The following ZNF804A variants were observed in gnomAD, a reference collection of about 807,000 sequenced individuals.
ZNF804A encodes zinc finger protein 804A.
In ZNF804A, 2 loss-of-function variants were observed where a neutral mutation model predicts 16.5. The ratio of observed to expected loss-of-function variants is 0.12; its 90% CI spans 0.05 to 0.38. ZNF804A has a LOEUF of 0.38. Ranked by LOEUF, ZNF804A falls within the 10% of genes least tolerant of loss-of-function variation. The pLI is 0.99. For missense variants in ZNF804A, 1,473 were observed against 1,390.7 expected (o/e 1.06, Z -0.94); for synonymous variants, 534 against 489.6 (o/e 1.09, Z -1.20).
chr2:184,926,558 G>A (rs1685616065), intron 2 of ZNF804A, among the ~76,000 whole-genome samples: 1 of 151,736 alleles, frequency 6.6e-6, no homozygotes. Flanking sequence ...TTAGGTTTGG[G>A]GAGTTCACTT....
intron 1 of ZNF804A, among the ~76,000 whole-genome samples, chr2:184,757,677 A>G (rs1160291477): frequency 2.0e-5 from 3 of 151,986 alleles, no homozygotes; most frequent in Middle Eastern, 3.2e-3. Flanking sequence ...ATTCACCTTA[A>G]AAAACACTGG....
intron 1 of ZNF804A, among the ~76,000 whole-genome samples, chr2:184,705,585 C>T (rs1420674491): frequency 6.6e-6 from 1 of 152,112 alleles, no homozygotes; most frequent in South Asian, 2.1e-4. Context: ...TAGGAGATGA[C>T]AGTTCTCTGA....
chr2:184,930,386 A>G (rs1348598657), intron 2 of ZNF804A, among the ~76,000 whole-genome samples: 1 of 152,216 alleles, frequency 6.6e-6, no homozygotes, highest in Non-Finnish European at 1.5e-5. Context: ...CATTTATGAC[A>G]TGATTTATCT....
At chr2:184,703,484 T>C (rs931708608) in intron 1 of ZNF804A, among the ~76,000 whole-genome samples, 1 of 151,734 alleles carries the variant, frequency 6.6e-6, no homozygotes, top group African/African-American at 2.4e-5. Flanking sequence ...GGGCAGATCA[T>C]GAGATCAGGA....
rs149181848 is a variant in ZNF804A, at chr2:184,872,160, T to C, written c.255+5648T>C. 8.3e-3 allele frequency among the ~76,000 whole-genome samples: 1,264 copies of C among 152,256 alleles called. 11 individuals are homozygous for C. Among genetic ancestry groups the C allele is most frequent in the Non-Finnish European group, 0.012 (792 of 67,978 alleles). On this transcript the variant is annotated intron_variant, in intron 2 of 3. Coordinates refer to ENST00000302277, the MANE Select transcript of ZNF804A (RefSeq NM_194250.2). Reference sequence around the variant, plus strand: ...TTTCATAAAATTTAGTAAATATATATGAAAATCTATTTTAAACCAAGAATA... The same window carrying C: ...TTTCATAAAATTTAGTAAATATATACGAAAATCTATTTTAAACCAAGAATA...
At chr2:184,840,877 G>A (rs1695426447) in intron 1 of ZNF804A, among the ~76,000 whole-genome samples, 1 of 151,912 alleles carries the variant, frequency 6.6e-6, no homozygotes, top group Non-Finnish European at 1.5e-5. Flanking sequence ...CCTAGGTATC[G>A]ACTTTTTGCT....
At chr2:184,921,081 G>T in intron 2 of ZNF804A, among the ~76,000 whole-genome samples, 1 of 152,116 alleles carries the variant, frequency 6.6e-6, no homozygotes, top group East Asian at 1.9e-4. Context: ...TGGCCTGGTT[G>T]GTGGGACCAC....
Position 184,694,035 on chromosome 2 carries a change from T to C in ZNF804A, c.111+94965T>C, listed in dbSNP as rs559965587. ...AACTCCACCTTTTAGGTTCAAGTGA[T>C]GCTCCTGCCTCAGCCTCTGAGTAGC... is the stretch of plus-strand genomic sequence containing the variant. On this transcript the variant is annotated intron_variant, in intron 1 of 3. Coordinates refer to ENST00000302277, the MANE Select transcript of ZNF804A (RefSeq NM_194250.2). Among the ~76,000 whole-genome samples, 30 of 151,678 alleles carry C rather than the reference T, an allele frequency of 2.0e-4. 1 individual carries two copies. The highest frequency in any genetic ancestry group is 6.8e-4 in the African/African-American group (28 of 41,366).
chr2:184,937,444 C>G lies in ZNF804A; in HGVS notation c.2048C>G (p.Thr683Ser). 6.2e-7 allele frequency: 1 copy of G among 1,611,364 alleles called. No homozygotes were observed. Among genetic ancestry groups the G allele is most frequent in the Non-Finnish European group, 8.5e-7 (1 of 1,179,006 alleles). ...AAAACATGGAATACTGAATACAACA[C>G]TTATGATACTATCAGTTCTAAAAAC... ...MCKTWNTEYN[T>S]YDTISSKNHC... is the part of the protein sequence containing the mutation. Residue 683 changes from threonine to serine, a missense_variant, in exon 4 of 4, where the codon ACT becomes AGT. Thr to Ser is a moderately conservative substitution (Grantham distance 58, BLOSUM62 1). Coordinates refer to ENST00000302277, the MANE Select transcript of ZNF804A (RefSeq NM_194250.2).
At chr2:184,806,572 G>C (rs888866880) in intron 1 of ZNF804A, among the ~76,000 whole-genome samples, 3 of 151,708 alleles carry the variant, frequency 2.0e-5, no homozygotes, top group Non-Finnish European at 3.0e-5. Flanking sequence ...AAATTGTCAT[G>C]ACATAAATGT....
intron 2 of ZNF804A, among the ~76,000 whole-genome samples, chr2:184,897,141 G>A (rs555369003): frequency 1.3e-5 from 2 of 152,132 alleles, no homozygotes; most frequent in South Asian, 4.1e-4. Context: ...CCTCAACTGG[G>A]ATTTGCTTAA....
chr2:184,744,419 T>A (rs1006540415), intron 1 of ZNF804A, among the ~76,000 whole-genome samples: 1 of 151,888 alleles, frequency 6.6e-6, no homozygotes, highest in Non-Finnish European at 1.5e-5. Flanking sequence ...GATTAGACCA[T>A]GAGGGTGCAA....
chr2:184,751,637 A>G (rs1006219553), intron 1 of ZNF804A, among the ~76,000 whole-genome samples: 5 of 151,564 alleles, frequency 3.3e-5, no homozygotes, highest in African/African-American at 1.2e-4. Flanking sequence ...GACAAGTGAA[A>G]CTAACTTAAA....
intron 1 of ZNF804A, among the ~76,000 whole-genome samples, chr2:184,644,829 T>C (rs1490602259): frequency 6.6e-6 from 1 of 151,992 alleles, no homozygotes; most frequent in African/African-American, 2.4e-5. Context: ...AGATAAATAT[T>C]TTTCTTTTAT....
At chr2:184,695,777 T>A (rs936852463) in intron 1 of ZNF804A, among the ~76,000 whole-genome samples, 1 of 152,242 alleles carries the variant, frequency 6.6e-6, no homozygotes, top group African/African-American at 2.4e-5. Flanking sequence ...GGATTTAGAC[T>A]TGTTCTTGTT....
At chr2:184,857,983 G>A (rs1695729082) in intron 1 of ZNF804A, among the ~76,000 whole-genome samples, 1 of 151,890 alleles carries the variant, frequency 6.6e-6, no homozygotes, top group Non-Finnish European at 1.5e-5. Flanking sequence ...AGAACTTATT[G>A]CTGTCTTCCT....
At chr2:184,613,506 G>A (rs1465598588) in intron 1 of ZNF804A, among the ~76,000 whole-genome samples, 1 of 152,156 alleles carries the variant, frequency 6.6e-6, no homozygotes, top group Non-Finnish European at 1.5e-5. Flanking sequence ...AATCATGTTA[G>A]TAAGATTTGG....
At chr2:184,726,961 A>G (rs1344138459) in intron 1 of ZNF804A, among the ~76,000 whole-genome samples, 3 of 151,748 alleles carry the variant, frequency 2.0e-5, no homozygotes, top group Admixed American at 6.6e-5. Flanking sequence ...TAGAAGTTGA[A>G]TGCTCTAGCA....
At chr2:184,775,510 T>C (rs1011545568) in intron 1 of ZNF804A, among the ~76,000 whole-genome samples, 9 of 151,732 alleles carry the variant, frequency 5.9e-5, no homozygotes, top group Non-Finnish European at 1.3e-4. Flanking sequence ...ACTTCTACTT[T>C]AGAGAAAACA....
Sources: allele counts gnomAD v4.1 joint callset (sites outside exome capture counted in the v4.1 genomes callset), GRCh38; gene constraint gnomAD v4.1.1; transcripts MANE v1.5; gene names NCBI Gene and HGNC (gene_info 2026-07-23, HGNC 2026-07-21).